Variants in CHRDL2 observed in about 807,000 individuals in gnomAD.
The protein encoded by CHRDL2 is chordin like 2, also known as chordin-like protein 2.
A neutral mutation model predicts 54.3 loss-of-function variants in CHRDL2; 41 were observed. That is an observed-to-expected ratio of 0.76 (90% confidence interval 0.59 to 0.98). The LOEUF (loss-of-function observed/expected upper bound fraction) is 0.98, where lower values mean the gene tolerates loss of function less well. Ranked by LOEUF, CHRDL2 falls within the 50% of genes least tolerant of loss-of-function variation. The pLI, the probability that CHRDL2 is intolerant of heterozygous loss-of-function variation, is 0.00. For missense variants in CHRDL2, 518 were observed against 562.4 expected, an observed-to-expected ratio of 0.92 and a Z score of 0.80; for synonymous variants, 220 against 224.3, an observed-to-expected ratio of 0.98 and a Z score of 0.17.
chr11:74,701,723 T>C, intron 9 of CHRDL2: 1 of 642,456 alleles, frequency 1.6e-6, no homozygotes, highest in Non-Finnish European at 2.9e-6. Context: ...GAAAGCACTT[T>C]GTAAACTCCA....
intron 6 of CHRDL2, among the ~76,000 whole-genome samples, chr11:74,706,258 C>T (rs1407362194): frequency 2.6e-5 from 4 of 152,094 alleles, no homozygotes; most frequent in African/African-American, 7.2e-5. Context: ...TGCTGCCCTG[C>T]GTGGTGACCT....
chr11:74,715,466 G>A (rs944556966), intron 2 of CHRDL2, among the ~76,000 whole-genome samples: 2 of 151,856 alleles, frequency 1.3e-5, no homozygotes, highest in Non-Finnish European at 2.9e-5. Context: ...TAGCCGGGCA[G>A]TAGTGGTGTG....
At chr11:74,710,812 C>T (rs1044120706) in intron 4 of CHRDL2, 37 bp downstream of exon 4, 19 of 1,608,362 alleles carry the variant, frequency 1.2e-5, no homozygotes, top group Admixed American at 6.7e-5. Flanking sequence ...AGGCCCAGAG[C>T]GCTGGCCTGT....
At chr11:74,712,327 A>G (rs1183361946) in intron 3 of CHRDL2, among the ~76,000 whole-genome samples, 2 of 152,084 alleles carry the variant, frequency 1.3e-5, no homozygotes, top group Admixed American at 6.5e-5. Flanking sequence ...CAGAGTCTTG[A>G]AGAACTGTGG....
At position 74,718,575 on chromosome 11, in the gene CHRDL2, T is replaced by G. The variant is rs576709659; in HGVS notation, c.195+145A>C. 93 of 613,282 alleles carry G rather than the reference T, an allele frequency of 1.5e-4. No homozygotes were observed. In the African/African-American group the frequency reaches 1.6e-3, roughly 11 times the overall value. 38.0% of individuals were successfully genotyped at this position (613,282 alleles called of 1,614,324 possible). On this transcript the variant is annotated intron_variant, in intron 2 of 10. Coordinates refer to ENST00000376332, the MANE Select transcript of CHRDL2 (RefSeq NM_001278473.3). ...CCATCTAATCCTATATATTGAGTAGTCAGTAGTGAAGTGGCTTGTCCCAAG... is the reference window on the plus strand; with the variant it reads ...CCATCTAATCCTATATATTGAGTAGGCAGTAGTGAAGTGGCTTGTCCCAAG...
intron 2 of CHRDL2, among the ~76,000 whole-genome samples, chr11:74,715,934 T>C (rs528315086): frequency 4.0e-5 from 6 of 151,612 alleles, no homozygotes; most frequent in African/African-American, 1.5e-4. Flanking sequence ...GCCGAGATCG[T>C]GCCACTGCAC....
At chr11:74,715,330 A>G (rs1591363850) in intron 2 of CHRDL2, among the ~76,000 whole-genome samples, 1 of 152,206 alleles carries the variant, frequency 6.6e-6, no homozygotes, top group East Asian at 1.9e-4. Flanking sequence ...AGGACCACGC[A>G]CAGTGGCTCA....
At chr11:74,703,043 G>T in intron 8 of CHRDL2, 76 bp from the exon 9 acceptor site, 1 of 1,407,088 alleles carries the variant, frequency 7.1e-7, no homozygotes, top group Non-Finnish European at 9.7e-7. Flanking sequence ...ATTCTAAAAT[G>T]TTGTGACTTC....
chr11:74,727,681 A>G (rs2034592993), intron 1 of CHRDL2, among the ~76,000 whole-genome samples: 1 of 152,188 alleles, frequency 6.6e-6, no homozygotes, highest in African/African-American at 2.4e-5. Flanking sequence ...CTGAGATTAC[A>G]GGCGTGAGCC....
At chr11:74,708,466 C>T (rs996621354) in intron 4 of CHRDL2, 71 bp from the exon 5 acceptor site, 1 of 1,203,190 alleles carries the variant, frequency 8.3e-7, no homozygotes, top group South Asian at 1.5e-5. Context: ...AGGAACACCC[C>T]CTTCCCTGGG....
Position 74,730,947 on chromosome 11 carries a change from A to C in CHRDL2, c.-59T>G. The C allele has an allele frequency of 7.0e-7, 1 of 1,423,924 alleles. No homozygotes were observed. 88.2% of individuals were successfully genotyped at this position (1,423,924 alleles called of 1,614,324 possible). A position where few individuals can be genotyped will look rare whatever the true frequency, so the allele number is the denominator to read the frequency against. ...CGGAGTCGGGAGGAAGGGAGACGAA[A>C]AGGACACGGAGGCACAGGGGCCACA... is the stretch of plus-strand genomic sequence containing the variant. On this transcript the variant is annotated 5_prime_UTR_variant, in exon 1 of 11. Transcript: ENST00000376332.
chr11:74,716,369 TA>T (rs1217760400), intron 2 of CHRDL2, among the ~76,000 whole-genome samples: 1 of 151,964 alleles, frequency 6.6e-6, no homozygotes, highest in African/African-American at 2.4e-5. Context: ...ACCCCATCTC[TA>T]CTAAAAATAT....
At chr11:74,716,556 A>AG (rs56371128) in intron 2 of CHRDL2, among the ~76,000 whole-genome samples, 47,612 of 139,366 alleles carry the variant, frequency 0.34, 8,545 homozygotes, top group East Asian at 0.52. Context: ...AAAAAAAAAA[A>AG]AAAGAAAGAA....
At chr11:74,707,705 T>TG (rs1443388892) in intron 5 of CHRDL2, among the ~76,000 whole-genome samples, 1 of 151,982 alleles carries the variant, frequency 6.6e-6, no homozygotes, top group African/African-American at 2.4e-5. Context: ...GCAGCCCCCC[T>TG]GCACGGGCTC....
At chr11:74,709,036 G>A (rs771136138) in intron 4 of CHRDL2, among the ~76,000 whole-genome samples, 14 of 152,242 alleles carry the variant, frequency 9.2e-5, no homozygotes, top group Non-Finnish European at 1.2e-4. Context: ...AAGGCACAAC[G>A]TGCCTGGGGG....
At chr11:74,699,573 G>A (rs572759031) in intron 9 of CHRDL2, 2 of 152,430 alleles carry the variant, frequency 1.3e-5, no homozygotes, top group East Asian at 3.9e-4. Flanking sequence ...AAGCCATCAG[G>A]AGGCTGCAGG....
At chr11:74,726,795 G>A (rs1212075252) in intron 1 of CHRDL2, among the ~76,000 whole-genome samples, 2 of 152,212 alleles carry the variant, frequency 1.3e-5, no homozygotes, top group African/African-American at 4.8e-5. Context: ...CCCAGTCAGA[G>A]ATCCAGAGAG....
At chr11:74,720,153 TCATTAA>T (rs1180186048) in intron 1 of CHRDL2, 1 of 152,466 alleles carries the variant, frequency 6.6e-6, no homozygotes, top group Admixed American at 6.5e-5. Context: ...GTTAATTATC[TCATTAA>T]CATTATTGTT....
Position 74,708,368 on chromosome 11 carries a change from T to C in CHRDL2, c.460A>G (p.Thr154Ala), listed in dbSNP as rs1203085543. The C allele has an allele frequency of 1.9e-6, 3 of 1,587,862 alleles. No individual in the cohort carries two copies. Among genetic ancestry groups the C allele is most frequent in the African/African-American group, 1.4e-5 (1 of 73,656 alleles). The change falls in exon 5 of 11, where the codon ACC (threonine) becomes GCC (alanine). Residue 154 changes from threonine to alanine, a missense_variant. Transcript: ENST00000376332. Reference sequence around the variant, plus strand: ...GCTGGGCAGCCTGGTTCGGGGCAGGTTGTGAGGCCGCAGTAGATCTGGCCC... The same window carrying C: ...GCTGGGCAGCCTGGTTCGGGGCAGGCTGTGAGGCCGCAGTAGATCTGGCCC... ...TEGQIYCGLTTCPEPGCPAPL... is the reference protein window; with the variant it reads ...TEGQIYCGLTACPEPGCPAPL...
Sources: allele counts gnomAD v4.1 joint callset (sites outside exome capture counted in the v4.1 genomes callset), GRCh38; gene constraint gnomAD v4.1.1; transcripts MANE v1.5; gene names NCBI Gene and HGNC (gene_info 2026-07-23, HGNC 2026-07-21).